ADORA2B: variants seen among roughly 807,000 people sequenced by gnomAD.
The protein encoded by ADORA2B is adenosine receptor A2b.
In ADORA2B, 18 loss-of-function variants were observed where a neutral mutation model predicts 20.8. The ratio of observed to expected loss-of-function variants is 0.87; its 90% CI spans 0.60 to 1.29. ADORA2B has a LOEUF of 1.29. Among genes scored for constraint, ADORA2B ranks in the 50% most tolerant of loss-of-function variants. The pLI is 0.00. For missense variants in ADORA2B, 441 were observed against 422.7 expected, an observed-to-expected ratio of 1.04 and a Z score of -0.38; for synonymous variants, 179 against 178.3, an observed-to-expected ratio of 1.00 and a Z score of -0.03.
chr17:15,974,582 T>C (rs899627774), intron 1 of ADORA2B, 97 bp from the exon 2 acceptor site: 1 of 1,087,250 alleles, frequency 9.2e-7, no homozygotes, highest in Non-Finnish European at 1.3e-6. Context: ...ACTTTAGAGG[T>C]TGTTAAAGGG....
chr17:15,933,538 G>A, the ADORA2B span, among the ~76,000 whole-genome samples: 1 of 151,988 alleles, frequency 6.6e-6, no homozygotes, highest in East Asian at 1.9e-4. Context: ...TTATTCCTAA[G>A]AATTTTGTTT....
At position 15,945,240 on chromosome 17, in the gene ADORA2B, G is replaced by T. The variant is rs1969783928; in HGVS notation, c.-9G>T. On this transcript the variant is annotated 5_prime_UTR_variant, in exon 1 of 2. Coordinates refer to ENST00000304222, the MANE Select transcript of ADORA2B (RefSeq NM_000676.4). ...GGTAGGGGGCGCCCGGGGCCCAGCT[G>T]GCCCGGCCATGCTGCTGGAGACACA... 12 of 1,416,598 alleles carry T rather than the reference G, an allele frequency of 8.5e-6. No homozygotes were observed. In the South Asian group the frequency reaches 1.7e-4, roughly 20 times the overall value. 87.8% of individuals were successfully genotyped at this position (1,416,598 alleles called of 1,614,324 possible). A position where few individuals can be genotyped will look rare whatever the true frequency, so the allele number is the denominator to read the frequency against.
chr17:15,899,009 C>G, the ADORA2B span, among the ~76,000 whole-genome samples: 2 of 152,046 alleles, frequency 1.3e-5, no homozygotes, highest in East Asian at 3.9e-4. Context: ...GTGGGCAGAT[C>G]ACTTGAGTCC....
At chr17:15,930,327 C>T in the ADORA2B span, among the ~76,000 whole-genome samples, 1 of 146,994 alleles carries the variant, frequency 6.8e-6, no homozygotes, top group South Asian at 2.2e-4. Flanking sequence ...GACAGGGTCT[C>T]ACTCTGTCAC....
At chr17:15,922,053 T>A in the ADORA2B span, among the ~76,000 whole-genome samples, 3 of 152,214 alleles carry the variant, frequency 2.0e-5, no homozygotes, top group Non-Finnish European at 4.4e-5. Context: ...ACAGTTTATA[T>A]ACTTTTTCAT....
the ADORA2B span, among the ~76,000 whole-genome samples, chr17:15,870,173 C>G: frequency 6.7e-6 from 1 of 148,342 alleles, no homozygotes; most frequent in Non-Finnish European, 1.5e-5. Context: ...ACCTACCAAA[C>G]TGAAATTATT....
At chr17:15,956,241 C>T (rs565765445) in intron 1 of ADORA2B, among the ~76,000 whole-genome samples, 6 of 152,314 alleles carry the variant, frequency 3.9e-5, no homozygotes, top group Non-Finnish European at 5.9e-5. Context: ...TGAGATTCCT[C>T]GTGTGGCAGA....
At chr17:15,861,135 G>C in the ADORA2B span, among the ~76,000 whole-genome samples, 1 of 152,242 alleles carries the variant, frequency 6.6e-6, no homozygotes, top group Admixed American at 6.5e-5. Context: ...TTAAGATGCA[G>C]TGCCCGTCTT....
At chr17:15,923,409 T>TA in the ADORA2B span, among the ~76,000 whole-genome samples, 109 of 105,958 alleles carry the variant, frequency 1.0e-3, no homozygotes, top group Non-Finnish European at 1.8e-3. Flanking sequence ...ATATATATAT[T>TA]TTTTTTTTCT....
At chr17:15,900,276 TA>T in the ADORA2B span, among the ~76,000 whole-genome samples, 1 of 152,192 alleles carries the variant, frequency 6.6e-6, no homozygotes, top group Non-Finnish European at 1.5e-5. Context: ...ATATACCCAG[TA>T]ATGGGATTAC....
At chr17:15,917,940 G>C in the ADORA2B span, among the ~76,000 whole-genome samples, 1 of 152,212 alleles carries the variant, frequency 6.6e-6, no homozygotes, top group African/African-American at 2.4e-5. Context: ...CCTCCCTCTC[G>C]AGCCTGCACT....
the ADORA2B span, among the ~76,000 whole-genome samples, chr17:15,928,159 A>G: frequency 6.6e-6 from 1 of 152,104 alleles, no homozygotes; most frequent in Non-Finnish European, 1.5e-5. Flanking sequence ...ACTGCTGAGC[A>G]GTTGAGCAAG....
At chr17:15,869,039 G>A in the ADORA2B span, among the ~76,000 whole-genome samples, 1 of 150,870 alleles carries the variant, frequency 6.6e-6, no homozygotes, top group Admixed American at 6.6e-5. Context: ...ATAATTGAAG[G>A]CCAGGCACAG....
At chr17:15,897,154 A>T in the ADORA2B span, among the ~76,000 whole-genome samples, 2 of 152,224 alleles carry the variant, frequency 1.3e-5, no homozygotes, top group African/African-American at 2.4e-5. Context: ...TTCCAGAATG[A>T]TGAAAGACAA....
upstream of ADORA2B, among the ~76,000 whole-genome samples, chr17:15,942,997 G>A (rs2151589030): frequency 6.6e-6 from 1 of 152,326 alleles, no homozygotes; most frequent in Middle Eastern, 3.4e-3. Flanking sequence ...AGTGCTATTG[G>A]AGGAGCTGCC....
chr17:15,966,114 A>G (rs898101880), intron 1 of ADORA2B, among the ~76,000 whole-genome samples: 3 of 152,226 alleles, frequency 2.0e-5, no homozygotes, highest in African/African-American at 7.2e-5. Context: ...AAGAATGTAT[A>G]TATTGCTTTA....
In ADORA2B at chr17:15,970,297, A is replaced by G. The variant is rs576296596; in HGVS notation, c.336-4382A>G. 7.2e-5 allele frequency among the ~76,000 whole-genome samples: 11 copies of G among 152,358 alleles called. No individual in the cohort carries two copies. The South Asian group carries it at 1.9e-3, about 26-fold the overall frequency. On this transcript the variant is annotated intron_variant, in intron 1 of 1. Transcript: ENST00000304222. ...GAGGTTTACAGAGAAGGCAGTGACC[A>G]GCTGCCCCACTGATTTAATTAGCTG...
At chr17:15,885,542 C>T in the ADORA2B span, among the ~76,000 whole-genome samples, 40 of 151,974 alleles carry the variant, frequency 2.6e-4, no homozygotes, top group East Asian at 4.3e-3. Flanking sequence ...GGTGAAACCC[C>T]GACTCTACTG....
chr17:15,916,089 T>TG, the ADORA2B span, among the ~76,000 whole-genome samples: 19 of 151,882 alleles, frequency 1.3e-4, no homozygotes, highest in East Asian at 3.9e-4. Flanking sequence ...TCAGCTGGGG[T>TG]GGGGGGGTCA....
Sources: allele counts gnomAD v4.1 joint callset (sites outside exome capture counted in the v4.1 genomes callset), GRCh38; gene constraint gnomAD v4.1.1; transcripts MANE v1.5; gene names NCBI Gene and HGNC (gene_info 2026-07-23, HGNC 2026-07-21).